The following GBE1 variants were observed in gnomAD, a reference collection of about 807,000 sequenced individuals.
The protein encoded by GBE1 is 1,4-alpha-glucan-branching enzyme.
A neutral mutation model predicts 88.8 loss-of-function variants in GBE1; 70 were observed. The observed-to-expected ratio is 0.79, with a 90% CI of 0.65 to 0.96. GBE1 has a LOEUF of 0.96. Among genes scored for constraint, GBE1 ranks in the 40% least tolerant of loss-of-function variants. The pLI is 0.00. For missense variants in GBE1, 872 were observed against 871.0 expected (o/e 1.00, Z -0.01); for synonymous variants, 284 against 300.1 (o/e 0.95, Z 0.56).
intron 7 of GBE1, among the ~76,000 whole-genome samples, chr3:81,600,906 G>C (rs1704024372): frequency 6.6e-6 from 1 of 151,984 alleles, no homozygotes; most frequent in Admixed American, 6.6e-5. Context: ...TGAATGGTGT[G>C]TGTGCACATG....
intron 12 of GBE1, among the ~76,000 whole-genome samples, chr3:81,539,891 T>C (rs1559638690): frequency 6.6e-6 from 1 of 151,818 alleles, no homozygotes; most frequent in Admixed American, 6.6e-5. Context: ...AAAAATAAGG[T>C]ACTGAAACTC....
intron 13 of GBE1, 86 bp from the exon 14 acceptor site, chr3:81,535,411 G>T: frequency 7.5e-7 from 1 of 1,331,244 alleles, no homozygotes; most frequent in Non-Finnish European, 1.0e-6. Flanking sequence ...TTAATAGTCT[G>T]GTTATTAAAC....
chr3:81,543,439 A>C (rs1264425691), intron 12 of GBE1, among the ~76,000 whole-genome samples: 1 of 152,134 alleles, frequency 6.6e-6, no homozygotes, highest in Non-Finnish European at 1.5e-5. Context: ...CATAAACACA[A>C]GCATAAAATA....
chr3:81,628,441 T>A (rs1704450394), intron 7 of GBE1, among the ~76,000 whole-genome samples: 1 of 151,966 alleles, frequency 6.6e-6, no homozygotes, highest in African/African-American at 2.4e-5. Context: ...CTCTGGGAAA[T>A]CTGAAAACTG....
At chr3:81,743,716 T>C (rs1244086228) in intron 1 of GBE1, 6 of 821,558 alleles carry the variant, frequency 7.3e-6, no homozygotes, top group African/African-American at 3.5e-5. Flanking sequence ...AGATTTACTT[T>C]GTCTGGCCCA....
At chr3:81,507,303 G>A (rs1412804555) in intron 14 of GBE1, among the ~76,000 whole-genome samples, 2 of 152,018 alleles carry the variant, frequency 1.3e-5, no homozygotes, top group Admixed American at 6.6e-5. Flanking sequence ...AGTGGCTCAC[G>A]CCTGTAATTC....
At chr3:81,528,433 T>G in intron 14 of GBE1, among the ~76,000 whole-genome samples, 1 of 152,030 alleles carries the variant, frequency 6.6e-6, no homozygotes, top group East Asian at 1.9e-4. Flanking sequence ...TTCCATGAGC[T>G]GAGGAGAACT....
rs550122844 is a variant in GBE1 at position 81,710,367 on chromosome 3, T to C, written c.144-4754A>G. ...CTCCTGCCTCAGCCTCCCGAGCAGC[T>C]GGGACTACAGGCACCCACCACCACG... On this transcript the variant is annotated intron_variant, in intron 1 of 15. Coordinates refer to ENST00000429644, the MANE Select transcript of GBE1 (RefSeq NM_000158.4). Among the ~76,000 whole-genome samples the C allele has an allele frequency of 1.3e-4, 19 of 149,880 alleles. No homozygotes were observed. The South Asian group carries it at 3.6e-3, about 28-fold the overall frequency.
intron 15 of GBE1, among the ~76,000 whole-genome samples, chr3:81,498,247 A>G (rs1702542835): frequency 6.6e-6 from 1 of 152,170 alleles, no homozygotes; most frequent in East Asian, 1.9e-4. Context: ...GAAGTGGGAA[A>G]ACAGTAGAAA....
chr3:81,609,647 T>C (rs567852677), intron 7 of GBE1, among the ~76,000 whole-genome samples: 1 of 152,250 alleles, frequency 6.6e-6, no homozygotes, highest in Non-Finnish European at 1.5e-5. Flanking sequence ...TAATAAAGCT[T>C]TGGATGTTGT....
intron 3 of GBE1, among the ~76,000 whole-genome samples, chr3:81,661,598 A>C (rs2107098159): frequency 6.6e-6 from 1 of 152,270 alleles, no homozygotes; most frequent in Non-Finnish European, 1.5e-5. Flanking sequence ...CAACCCTGAA[A>C]AGCAGTAGGA....
chr3:81,735,097 A>C (rs1184454055), intron 1 of GBE1, among the ~76,000 whole-genome samples: 2 of 152,148 alleles, frequency 1.3e-5, no homozygotes, highest in Non-Finnish European at 2.9e-5. Context: ...TACTATCTGC[A>C]GTTTCAGGCA....
In GBE1 at chr3:81,735,188, G is replaced by T. The variant is rs981825702; in HGVS notation, c.143+26187C>A. 3.9e-5 allele frequency among the ~76,000 whole-genome samples: 6 copies of T among 152,238 alleles called. No individual in the cohort carries two copies. The South Asian group carries it at 1.2e-3, about 32-fold the overall frequency. On this transcript the variant is annotated intron_variant, in intron 1 of 15. Coordinates refer to ENST00000429644, the MANE Select transcript of GBE1 (RefSeq NM_000158.4). ...CTGATACTACATTTTGGAAAGCAAA[G>T]CAACTAAGAGTCACTCTCTGATTAG...
At chr3:81,708,984 C>G (rs112514472) in intron 1 of GBE1, among the ~76,000 whole-genome samples, 1 of 152,092 alleles carries the variant, frequency 6.6e-6, no homozygotes, top group East Asian at 1.9e-4. Context: ...TGACCCCACA[C>G]AAGAAACACA....
rs149843933 is a variant in GBE1 at position 81,600,210 on chromosome 3, G to A, written c.993-6187C>T. Among the ~76,000 whole-genome samples the A allele has an allele frequency of 3.6e-3, 553 of 152,152 alleles. 3 individuals carry two copies. Among genetic ancestry groups the A allele is most frequent in the Middle Eastern group, 0.02 (6 of 294 alleles). ...TGGGAGGTGGAGGTTGCAGTGAGCCGCGATTGTGCCAATGCACTCCAGCCT... is the reference window on the plus strand; with the variant it reads ...TGGGAGGTGGAGGTTGCAGTGAGCCACGATTGTGCCAATGCACTCCAGCCT... On this transcript the variant is annotated intron_variant, in intron 7 of 15. Transcript: ENST00000429644.
intron 14 of GBE1, among the ~76,000 whole-genome samples, chr3:81,510,880 T>C (rs1702717706): frequency 6.6e-6 from 1 of 152,038 alleles, no homozygotes; most frequent in African/African-American, 2.4e-5. Context: ...ATACTTGAAA[T>C]CTGCTGAGAG....
intron 1 of GBE1, among the ~76,000 whole-genome samples, chr3:81,727,430 AG>A (rs1706129815): frequency 1.3e-5 from 2 of 152,210 alleles, no homozygotes; most frequent in African/African-American, 4.8e-5. Flanking sequence ...CTTTTTAAGA[AG>A]GGTTATCAAT....
intron 7 of GBE1, among the ~76,000 whole-genome samples, chr3:81,640,658 C>T (rs891646265): frequency 7.3e-5 from 11 of 151,506 alleles, no homozygotes; most frequent in Non-Finnish European, 1.3e-4. Context: ...TTCTCTCCTG[C>T]TAGAGAACCC....
intron 12 of GBE1, among the ~76,000 whole-genome samples, chr3:81,545,238 A>T (rs1450005374): frequency 6.6e-6 from 1 of 150,830 alleles, no homozygotes; most frequent in Non-Finnish European, 1.5e-5. Context: ...AAAAAAAAAT[A>T]AACTTGTAAT....
Sources: allele counts gnomAD v4.1 joint callset (sites outside exome capture counted in the v4.1 genomes callset), GRCh38; gene constraint gnomAD v4.1.1; transcripts MANE v1.5; gene names NCBI Gene and HGNC (gene_info 2026-07-23, HGNC 2026-07-21).